The following KLF12 variants were observed in gnomAD, a reference collection of about 807,000 sequenced individuals.
KLF12 encodes the protein KLF transcription factor 12.
In KLF12, 9 loss-of-function variants were observed where a neutral mutation model predicts 37.8. That is an observed-to-expected ratio of 0.24 (90% CI 0.14 to 0.42). KLF12 has a LOEUF of 0.42. KLF12 is among the 10% of genes least tolerant of loss of function. KLF12 has a pLI of 1.00. For synonymous variants in KLF12, 208 were observed against 202.1 expected (o/e 1.03, Z -0.25); for missense variants, 411 against 516.0 (o/e 0.80, Z 1.97).
intron 3 of KLF12, among the ~76,000 whole-genome samples, chr13:73,909,598 G>T (rs539950548): frequency 1.3e-5 from 2 of 152,218 alleles, no homozygotes; most frequent in African/African-American, 4.8e-5. Context: ...AAAGTATGTT[G>T]CCCTCACAGG....
the KLF12 span, among the ~76,000 whole-genome samples, chr13:74,192,713 G>A: frequency 6.6e-6 from 1 of 152,226 alleles, no homozygotes; most frequent in African/African-American, 2.4e-5. Context: ...CATTAAAGAG[G>A]AGGCACAAGT....
chr13:74,190,983 C>T, the KLF12 span, among the ~76,000 whole-genome samples: 1 of 152,156 alleles, frequency 6.6e-6, no homozygotes, highest in Non-Finnish European at 1.5e-5. Context: ...AGTTACTCTG[C>T]CAGTGACCTC....
chr13:74,129,648 C>A (rs567836155), intron 1 of KLF12, among the ~76,000 whole-genome samples: 38 of 151,062 alleles, frequency 2.5e-4, no homozygotes, highest in South Asian at 2.3e-3. Flanking sequence ...AAAATGTAGA[C>A]CATGAGAGTA....
intron 1 of KLF12, among the ~76,000 whole-genome samples, chr13:74,112,384 T>TTTTG (rs141939497): frequency 2.1e-5 from 3 of 145,166 alleles, no homozygotes; most frequent in South Asian, 2.2e-4. Flanking sequence ...TTTGCAGATA[T>TTTTG]TGTCTGTGTG....
intron 3 of KLF12, among the ~76,000 whole-genome samples, chr13:73,875,139 A>T (rs1433938757): frequency 9.3e-6 from 1 of 107,660 alleles, no homozygotes; most frequent in African/African-American, 3.6e-5. Flanking sequence ...ACTAAAAAAA[A>T]AAGAACTTGA....
the KLF12 span, among the ~76,000 whole-genome samples, chr13:74,205,530 G>A: frequency 1.3e-5 from 2 of 152,114 alleles, no homozygotes; most frequent in Non-Finnish European, 2.9e-5. Context: ...TCTAAAAATT[G>A]ATGTTGGCTC....
chr13:74,076,492 A>C (rs1171116051), intron 1 of KLF12, among the ~76,000 whole-genome samples: 1 of 152,292 alleles, frequency 6.6e-6, no homozygotes, highest in African/African-American at 2.4e-5. Flanking sequence ...ACACAGTGGA[A>C]GGTGGAAGGG....
intron 7 of KLF12, among the ~76,000 whole-genome samples, chr13:73,700,365 T>G (rs1256838156): frequency 6.6e-6 from 1 of 151,798 alleles, no homozygotes; most frequent in African/African-American, 2.4e-5. Context: ...TGAAGGCATG[T>G]AATAAGGAAT....
chr13:73,928,302 G>A (rs187550552), intron 3 of KLF12, among the ~76,000 whole-genome samples: 7 of 152,314 alleles, frequency 4.6e-5, no homozygotes, highest in Non-Finnish European at 8.8e-5. Flanking sequence ...AGTTCTAGGC[G>A]ATAATCTCAC....
At chr13:74,087,015 G>A (rs1053979383) in intron 1 of KLF12, among the ~76,000 whole-genome samples, 6 of 152,072 alleles carry the variant, frequency 3.9e-5, no homozygotes, top group Non-Finnish European at 8.8e-5. Context: ...TGGCAGAGGT[G>A]GAAATATATC....
chr13:74,062,420 G>A (rs1873650690), intron 1 of KLF12, among the ~76,000 whole-genome samples: 1 of 152,170 alleles, frequency 6.6e-6, no homozygotes. Context: ...TCCTGTAGAT[G>A]ATTTTATGAT....
chr13:74,246,110 A>G, the KLF12 span, among the ~76,000 whole-genome samples: 1 of 152,212 alleles, frequency 6.6e-6, no homozygotes, highest in Admixed American at 6.5e-5. Flanking sequence ...CCTATGCTTC[A>G]ACATCATTCC....
At chr13:74,209,837 G>C in the KLF12 span, among the ~76,000 whole-genome samples, 2 of 152,070 alleles carry the variant, frequency 1.3e-5, no homozygotes, top group African/African-American at 4.8e-5. Flanking sequence ...TATCTTAAAA[G>C]ATTTTACACA....
intron 6 of KLF12, among the ~76,000 whole-genome samples, chr13:73,764,372 T>C (rs1879767190): frequency 6.6e-6 from 1 of 152,150 alleles, no homozygotes; most frequent in African/African-American, 2.4e-5. Flanking sequence ...ATCGATAAGC[T>C]ATGTTTTCTG....
At chr13:74,270,700 G>A in the KLF12 span, among the ~76,000 whole-genome samples, 366 of 152,290 alleles carry the variant, frequency 2.4e-3, 3 homozygotes, top group African/African-American at 7.9e-3. Context: ...TGAGTGTGTA[G>A]TTGGAATCTC....
chr13:74,209,542 AC>A, the KLF12 span, among the ~76,000 whole-genome samples: 4 of 151,806 alleles, frequency 2.6e-5, no homozygotes, highest in Non-Finnish European at 4.4e-5. Flanking sequence ...ACACACACAC[AC>A]ACACACACAC....
chr13:73,946,440 T>G (rs1890426131), intron 2 of KLF12, among the ~76,000 whole-genome samples: 1 of 152,214 alleles, frequency 6.6e-6, no homozygotes, highest in African/African-American at 2.4e-5. Flanking sequence ...TGATAAATCA[T>G]AAAAACCTGA....
chr13:73,904,548 A>C (rs1185332767), intron 3 of KLF12, among the ~76,000 whole-genome samples: 1 of 150,734 alleles, frequency 6.6e-6, no homozygotes, highest in Admixed American at 6.6e-5. Context: ...ATTTGGGTCC[A>C]AAAAGGCCAA....
intron 6 of KLF12, among the ~76,000 whole-genome samples, chr13:73,725,460 T>C (rs1465481230): frequency 6.6e-6 from 1 of 152,058 alleles, no homozygotes; most frequent in African/African-American, 2.4e-5. Context: ...CTTATAATGA[T>C]AAACAAGAAA....
Sources: allele counts gnomAD v4.1 joint callset (sites outside exome capture counted in the v4.1 genomes callset), GRCh38; gene constraint gnomAD v4.1.1; transcripts MANE v1.5; gene names NCBI Gene and HGNC (gene_info 2026-07-23, HGNC 2026-07-21).